Variants in SUPT3H observed in about 807,000 individuals in gnomAD.
SUPT3H encodes the protein SPT3 homolog, SAGA and STAGA complex component.
Under a neutral mutation model 44.3 loss-of-function variants are expected in SUPT3H, and 44 were observed. That is an observed-to-expected ratio of 0.99 (90% confidence interval 0.78 to 1.28). The LOEUF (loss-of-function observed/expected upper bound fraction) is 1.28. Ranked by LOEUF, SUPT3H falls within the 50% of genes most tolerant of loss-of-function variation. The pLI, the probability that SUPT3H is intolerant of heterozygous loss-of-function variation, is 0.00. For missense variants in SUPT3H, 380 were observed against 387.1 expected (o/e 0.98, Z 0.15); for synonymous variants, 124 against 125.6 (o/e 0.99, Z 0.09).
At chr6:45,192,555 T>A (rs1815319048) in intron 2 of SUPT3H, among the ~76,000 whole-genome samples, 1 of 152,184 alleles carries the variant, frequency 6.6e-6, no homozygotes, top group African/African-American at 2.4e-5. Context: ...AGGTAATTTT[T>A]GGTGTTTCTC....
At chr6:45,216,398 AAAC>A (rs1308860631) in intron 2 of SUPT3H, among the ~76,000 whole-genome samples, 5 of 152,210 alleles carry the variant, frequency 3.3e-5, no homozygotes, top group African/African-American at 1.2e-4. Context: ...AGTATATATA[AAAC>A]AACCAGAAAA....
At chr6:45,034,210 G>A (rs1199720986) in intron 3 of SUPT3H, among the ~76,000 whole-genome samples, 2 of 151,936 alleles carry the variant, frequency 1.3e-5, no homozygotes, top group Admixed American at 1.3e-4. Context: ...AGGATTAAGG[G>A]GGAATTAGCT....
At chr6:44,991,863 C>A (rs1161505764) in intron 6 of SUPT3H, among the ~76,000 whole-genome samples, 1 of 152,044 alleles carries the variant, frequency 6.6e-6, no homozygotes, top group Non-Finnish European at 1.5e-5. Flanking sequence ...AAAAATCTTG[C>A]CAGAGAATAC....
chr6:45,043,142 TACACACACAC>T (rs59321114), intron 3 of SUPT3H, among the ~76,000 whole-genome samples: 9 of 146,768 alleles, frequency 6.1e-5, no homozygotes, highest in Non-Finnish European at 9.0e-5. Context: ...CATACACACA[TACACACACAC>T]ACACACACAC....
downstream of SUPT3H, among the ~76,000 whole-genome samples, chr6:44,824,512 A>C (rs536751085): frequency 2.6e-5 from 4 of 152,230 alleles, no homozygotes; most frequent in African/African-American, 9.6e-5. Flanking sequence ...AATTCAGAAA[A>C]GAAAGTTGTA....
intron 4 of SUPT3H, among the ~76,000 whole-genome samples, chr6:45,020,118 A>G (rs1485216049): frequency 6.6e-6 from 1 of 152,012 alleles, no homozygotes; most frequent in Non-Finnish European, 1.5e-5. Context: ...AATAAGGTAG[A>G]GCTACAGACT....
intron 3 of SUPT3H, among the ~76,000 whole-genome samples, chr6:45,092,412 G>A (rs922166649): frequency 6.6e-6 from 1 of 152,026 alleles, no homozygotes; most frequent in African/African-American, 2.4e-5. Context: ...GCCTTTTCTA[G>A]TTGACACATT....
chr6:45,265,199 T>C (rs1453874117), intron 2 of SUPT3H, among the ~76,000 whole-genome samples: 1 of 152,174 alleles, frequency 6.6e-6, no homozygotes, highest in Non-Finnish European at 1.5e-5. Context: ...ATTATCAGTG[T>C]ATTTTAAATG....
rs555607869 is a variant in SUPT3H at position 44,963,055 on chromosome 6, A to T, written c.505-1227T>A. On this transcript the variant is annotated intron_variant, in intron 6 of 10. Transcript: ENST00000371459. ...TTATATATATACACATATAATGTAT[A>T]TATGTATGTGTATATATATACACAT... 4.0e-5 allele frequency among the ~76,000 whole-genome samples: 6 copies of T among 151,676 alleles called. 1 individual carries two copies. In the South Asian group the frequency reaches 1.2e-3, roughly 31 times the overall value.
chr6:44,954,688 A>C, intron 7 of SUPT3H, 81 bp from the exon 8 acceptor site: 1 of 776,404 alleles, frequency 1.3e-6, no homozygotes, highest in South Asian at 1.6e-5. Context: ...ACAAAATTAA[A>C]AAAGTATACT....
At chr6:45,282,420 C>G (rs997545957) in intron 2 of SUPT3H, among the ~76,000 whole-genome samples, 2 of 152,044 alleles carry the variant, frequency 1.3e-5, no homozygotes, top group Non-Finnish European at 2.9e-5. Context: ...AACCATGGCA[C>G]GAGAACTACG....
chr6:45,276,487 C>T (rs1366631327), intron 2 of SUPT3H, among the ~76,000 whole-genome samples: 1 of 152,000 alleles, frequency 6.6e-6, no homozygotes, highest in Non-Finnish European at 1.5e-5. Context: ...AATTCTTCAC[C>T]CCTCCCCATA....
intron 3 of SUPT3H, among the ~76,000 whole-genome samples, chr6:45,101,655 C>T (rs1195419349): frequency 6.6e-6 from 1 of 151,704 alleles, no homozygotes. Flanking sequence ...TGAATATTCC[C>T]AACACAAAGA....
intron 1 of SUPT3H, among the ~76,000 whole-genome samples, chr6:45,373,741 C>T (rs1251058073): frequency 3.3e-5 from 5 of 152,040 alleles, no homozygotes; most frequent in Non-Finnish European, 5.9e-5. Flanking sequence ...TTAGTAGAGA[C>T]GGGGTTTCGC....
intron 6 of SUPT3H, among the ~76,000 whole-genome samples, chr6:44,966,913 C>T (rs549488635): frequency 6.4e-4 from 98 of 152,246 alleles, no homozygotes; most frequent in Admixed American, 3.1e-3. Flanking sequence ...CTATCTCAGA[C>T]GGCCACATGA....
In SUPT3H at chr6:44,982,193, TG is replaced by T. The variant is rs1405423507; in HGVS notation, c.505-20366del. The stretch of plus-strand genomic sequence containing the variant: ...TTTGCAATGATTCTTTTTGTTTGTT[TG>T]TTTGTTTGTTTGAGACAGTCTCACT... On this transcript the variant is annotated intron_variant, in intron 6 of 10. Coordinates refer to ENST00000371459, the MANE Select transcript of SUPT3H (RefSeq NM_003599.4). Among the ~76,000 whole-genome samples, 211 of 152,268 alleles carry T rather than the reference TG, an allele frequency of 1.4e-3. 3 individuals carry two copies. The East Asian group carries it at 0.04, about 29-fold the overall frequency.
At chr6:44,854,828 G>A (rs1280956326) in intron 10 of SUPT3H, among the ~76,000 whole-genome samples, 1 of 152,092 alleles carries the variant, frequency 6.6e-6, no homozygotes. Context: ...CTTTCTTACA[G>A]AATCTGGAAA....
intron 2 of SUPT3H, among the ~76,000 whole-genome samples, chr6:45,296,671 GGAGGTTGCAGTGAGCT>G (rs1354733707): frequency 4.7e-5 from 7 of 147,824 alleles, no homozygotes; most frequent in African/African-American, 1.7e-4. Context: ...CCCGGGACAC[GGAGGTTGCAGTGAGCT>G]GAGATCGTGC....
chr6:45,001,451 A>AT (rs1011323796), intron 6 of SUPT3H, among the ~76,000 whole-genome samples: 14 of 152,014 alleles, frequency 9.2e-5, no homozygotes, highest in African/African-American at 2.2e-4. Flanking sequence ...AAAAATTCAG[A>AT]TTTTTTTATA....
Sources: gnomAD v4.1 joint callset for allele counts (sites outside exome capture counted in the v4.1 genomes callset) on GRCh38, gnomAD v4.1.1 for gene constraint, MANE v1.5 for transcripts, NCBI Gene and HGNC (gene_info 2026-07-23, HGNC 2026-07-21) for gene names.